AREL1: variants seen among roughly 807,000 people sequenced by gnomAD.
AREL1 encodes the protein apoptosis-resistant E3 ubiquitin protein ligase 1.
AREL1 carries 62 observed loss-of-function variants against 99.0 expected under a neutral mutation model. The ratio of observed to expected loss-of-function variants is 0.63; its 90% CI spans 0.51 to 0.77. The LOEUF (loss-of-function observed/expected upper bound fraction) is 0.77, where lower values mean the gene tolerates loss of function less well. Ranked by LOEUF, AREL1 falls within the 30% of genes least tolerant of loss-of-function variation. AREL1 has a pLI of 0.00. For synonymous variants in AREL1, 380 were observed against 376.5 expected (o/e 1.01, Z -0.11); for missense variants, 879 against 1,027.6 (o/e 0.86, Z 1.98).
chr14:74,695,199 C>T (rs1271003946), intron 1 of AREL1, among the ~76,000 whole-genome samples: 1 of 151,468 alleles, frequency 6.6e-6, no homozygotes, highest in Non-Finnish European at 1.5e-5. Context: ...CTTGCCTCAG[C>T]CTCCCTAGTG....
At chr14:74,710,856 G>A (rs1181476851) in intron 1 of AREL1, among the ~76,000 whole-genome samples, 3 of 152,198 alleles carry the variant, frequency 2.0e-5, no homozygotes, top group Non-Finnish European at 2.9e-5. Context: ...ATCACCCTGC[G>A]ATTGAGCATC....
intron 3 of AREL1, among the ~76,000 whole-genome samples, chr14:74,685,148 G>A (rs377487208): frequency 6.6e-6 from 1 of 152,200 alleles, no homozygotes; most frequent in Non-Finnish European, 1.5e-5. Flanking sequence ...CAGTCAAAAG[G>A]ATGTGCCTTT....
chr14:74,708,752 CA>C (rs2090229542), intron 1 of AREL1, among the ~76,000 whole-genome samples: 1 of 152,180 alleles, frequency 6.6e-6, no homozygotes, highest in Admixed American at 6.5e-5. Flanking sequence ...CTCAACTATT[CA>C]AGATAACAAA....
chr14:74,708,650 A>G (rs553636100), intron 1 of AREL1, among the ~76,000 whole-genome samples: 1 of 152,266 alleles, frequency 6.6e-6, no homozygotes, highest in African/African-American at 2.4e-5. Flanking sequence ...ATATATAGAA[A>G]ATCAATTAAC....
intron 1 of AREL1, among the ~76,000 whole-genome samples, chr14:74,696,698 C>T (rs1007389698): frequency 6.6e-6 from 1 of 152,186 alleles, no homozygotes; most frequent in African/African-American, 2.4e-5. Context: ...GGTATGGTGG[C>T]TCACGCCTGT....
chr14:74,707,311 T>C (rs926554989), intron 1 of AREL1, among the ~76,000 whole-genome samples: 15 of 150,500 alleles, frequency 1.0e-4, no homozygotes, highest in African/African-American at 3.7e-4. Flanking sequence ...GAAGTGGCAG[T>C]GAGCCAAAAT....
In AREL1 at chr14:74,676,311, T is replaced by G. The variant is rs1217847456; in HGVS notation, c.662A>C (p.Gln221Pro). The change falls in exon 7 of 20, where the codon CAA becomes CCA. Residue 221 changes from glutamine (Q) to proline (P), a missense_variant. By Grantham distance (76) the Gln-to-Pro change is moderately conservative. Coordinates refer to ENST00000356357, the MANE Select transcript of AREL1 (RefSeq NM_001039479.2). ...TGAGACACCAGTACTCTCTTCTTCT[T>G]GAGGGCCGAGCTATAGGAAGGCAAC... Reference protein sequence around the residue: ...YTLSIHELGPQEEESTGVSFE... With the variant: ...YTLSIHELGPPEEESTGVSFE... 6.2e-7 allele frequency: 1 copy of G among 1,614,060 alleles called. No homozygotes were observed. The highest frequency in any genetic ancestry group is 2.2e-5 in the East Asian group (1 of 44,886).
chr14:74,712,614 T>C (rs1566710797), intron 1 of AREL1, among the ~76,000 whole-genome samples: 1 of 152,142 alleles, frequency 6.6e-6, no homozygotes, highest in Non-Finnish European at 1.5e-5. Context: ...CCCAATTCTC[T>C]AGCGATAGTC....
At chr14:74,671,712 T>C (rs138747098) in intron 11 of AREL1, among the ~76,000 whole-genome samples, 3 of 152,376 alleles carry the variant, frequency 2.0e-5, no homozygotes, top group African/African-American at 7.2e-5. Flanking sequence ...ATCATCACTT[T>C]GTTGGAAAGC....
rs528874790 is a variant in AREL1, at chr14:74,672,961, C to G, written c.1301-9G>C. 1.9e-6 allele frequency: 3 copies of G among 1,614,160 alleles called. No individual in the cohort carries two copies. Among genetic ancestry groups the G allele is most frequent in the Admixed American group, 3.3e-5 (2 of 60,020 alleles). On this transcript the variant is annotated splice_polypyrimidine_tract_variant and intron_variant, in intron 10 of 19. Transcript: ENST00000356357. ...AAAGGTCTCAGAGCCTCCTGGGGAA[C>G]AGCAAGATCCATCATTACAGCCTCA...
At chr14:74,684,192 T>A (rs946888890) in intron 4 of AREL1, among the ~76,000 whole-genome samples, 48 of 152,352 alleles carry the variant, frequency 3.2e-4, no homozygotes, top group African/African-American at 1.0e-3. Flanking sequence ...TGCTAACCCC[T>A]ATCTATAATA....
At chr14:74,664,107 AC>A (rs1189968202) in intron 18 of AREL1, 33 bp from the exon 19 acceptor site, 2 of 1,598,614 alleles carry the variant, frequency 1.3e-6, no homozygotes, top group Non-Finnish European at 1.7e-6. Context: ...GGGATCACAC[AC>A]AGTAAACAAG....
At chr14:74,665,027 A>G in intron 17 of AREL1, 102 bp from the exon 18 acceptor site, 1 of 875,950 alleles carries the variant, frequency 1.1e-6, no homozygotes, top group Non-Finnish European at 1.8e-6. Context: ...AGAAGAAAAC[A>G]TTACCAGGAA....
At chr14:74,707,074 T>G (rs971758470) in intron 1 of AREL1, among the ~76,000 whole-genome samples, 3 of 152,154 alleles carry the variant, frequency 2.0e-5, no homozygotes, top group African/African-American at 7.2e-5. Context: ...TTATCAAAAT[T>G]ATACACGATC....
At chr14:74,672,077 G>T in intron 11 of AREL1, 1 of 428,268 alleles carries the variant, frequency 2.3e-6, no homozygotes, top group Non-Finnish European at 4.7e-6. Flanking sequence ...CACACATCAG[G>T]TGTTCCTTTT....
chr14:74,713,068 G>C lies in AREL1; in HGVS notation c.-469C>G. 6.4e-7 allele frequency: 1 copy of C among 1,572,014 alleles called. No homozygotes were observed. The highest frequency in any genetic ancestry group is 1.7e-4 in the Middle Eastern group (1 of 5,974). On this transcript the variant is annotated 5_prime_UTR_variant, in exon 1 of 20. Transcript: ENST00000356357. ...TTGGTCTCCACCCGGCCTGGGAACC[G>C]GCTCGGGGGATTGCCCTTTCCCCAA...
chr14:74,675,920 T>G lies in AREL1; in HGVS notation c.859A>C (p.Asn287His). 6.2e-7 allele frequency: 1 copy of G among 1,603,292 alleles called. No individual in the cohort carries two copies. The highest frequency in any genetic ancestry group is 8.5e-7 in the Non-Finnish European group (1 of 1,173,440). The change falls in exon 8 of 20, where the codon AAT (asparagine) becomes CAT (histidine). Residue 287 changes from asparagine to histidine, a missense_variant. Physicochemically the swap from Asn to His is moderately conservative, Grantham distance 68. Coordinates refer to ENST00000356357, the MANE Select transcript of AREL1 (RefSeq NM_001039479.2). ...ATGCTCACGCCTGAAGTGGACACAT[T>G]GCGTTCGACGATATTCTTCTCATCC... ...SEDEKNIVERNVSTSGVSIYF... is the reference protein window; with the variant it reads ...SEDEKNIVERHVSTSGVSIYF...
chr14:74,685,779 C>T, intron 2 of AREL1, 119 bp from the exon 3 acceptor site: 1 of 774,404 alleles, frequency 1.3e-6, no homozygotes, highest in East Asian at 2.7e-5. Flanking sequence ...CAGAGCCTTA[C>T]TATTCCTATC....
rs1566675500 is a variant in AREL1 at position 74,663,576 on chromosome 14, G to A, written c.*144C>T. 1 of 858,512 alleles carries A rather than the reference G, an allele frequency of 1.2e-6. No homozygotes were observed. The highest frequency in any genetic ancestry group is 2.5e-5 in the East Asian group (1 of 40,458). 53.2% of individuals were successfully genotyped at this position (858,512 alleles called of 1,614,324 possible). A position where few individuals can be genotyped will look rare whatever the true frequency, so the allele number is the denominator to read the frequency against. ...GGTGAGGTAAAGACAAGGCTTGTAG[G>A]TGACAAAATCCTCCAGACACAGGGG... On this transcript the variant is annotated 3_prime_UTR_variant, in exon 20 of 20. Coordinates refer to ENST00000356357, the MANE Select transcript of AREL1 (RefSeq NM_001039479.2).
Sources: gnomAD v4.1 joint callset for allele counts (sites outside exome capture counted in the v4.1 genomes callset) on GRCh38, gnomAD v4.1.1 for gene constraint, MANE v1.5 for transcripts, NCBI Gene and HGNC (gene_info 2026-07-23, HGNC 2026-07-21) for gene names.